The following CPLANE1 variants were observed in gnomAD, a reference collection of about 807,000 sequenced individuals.
CPLANE1 encodes the protein ciliogenesis and planar polarity effector 1.
A neutral mutation model predicts 362.5 loss-of-function variants in CPLANE1; 263 were observed. The observed-to-expected ratio is 0.73, with a 90% CI of 0.66 to 0.80. The LOEUF (loss-of-function observed/expected upper bound fraction) is 0.80, where lower values mean the gene tolerates loss of function less well. CPLANE1 is among the 30% of genes least tolerant of loss of function. The pLI is 0.00. For missense variants in CPLANE1, 3,461 were observed against 3,793.4 expected (o/e 0.91, Z 2.30); for synonymous variants, 1,212 against 1,302.6 (o/e 0.93, Z 1.50).
intron 46 of CPLANE1, among the ~76,000 whole-genome samples, chr5:37,131,224 A>G (rs975438349): frequency 1.3e-5 from 2 of 152,184 alleles, no homozygotes; most frequent in Admixed American, 6.5e-5. Flanking sequence ...GTAGATATTA[A>G]ATCGGTTTTC....
At chr5:37,223,307 C>A (rs931647756) in intron 14 of CPLANE1, among the ~76,000 whole-genome samples, 2 of 152,012 alleles carry the variant, frequency 1.3e-5, no homozygotes, top group African/African-American at 4.8e-5. Flanking sequence ...CTGATGCTTG[C>A]ACTCCAGCCT....
At chr5:37,077,140 T>C in the CPLANE1 span, among the ~76,000 whole-genome samples, 2 of 152,088 alleles carry the variant, frequency 1.3e-5, no homozygotes, top group East Asian at 1.9e-4. Flanking sequence ...AGATGAGAAG[T>C]TGGACCCTTG....
the CPLANE1 span, among the ~76,000 whole-genome samples, chr5:37,082,651 C>T: frequency 0.036 from 5,411 of 151,828 alleles, 126 homozygotes; most frequent in South Asian, 0.08. Flanking sequence ...AAAATAATTT[C>T]TTAATAACTT....
At chr5:37,224,034 T>C (rs1309463568) in intron 14 of CPLANE1, among the ~76,000 whole-genome samples, 1 of 152,218 alleles carries the variant, frequency 6.6e-6, no homozygotes, top group Admixed American at 6.5e-5. Flanking sequence ...TAAGTATTCA[T>C]GAGTGTCAAG....
chr5:37,229,556 A>T (rs1358056711), intron 9 of CPLANE1, among the ~76,000 whole-genome samples: 2 of 146,506 alleles, frequency 1.4e-5, no homozygotes, highest in Non-Finnish European at 3.0e-5. Context: ...ATAAATAAAT[A>T]ATAAATATAA....
chr5:37,230,946 G>A lies in CPLANE1; in HGVS notation c.1042C>T (p.Leu348=), dbSNP rs1369925884. 6.4e-7 allele frequency: 1 copy of A among 1,550,700 alleles called. No individual in the cohort carries two copies. The highest frequency in any genetic ancestry group is 1.2e-5 in the South Asian group (1 of 83,796). ...GAGCAACCAAATGTAATTAATGTTA[G>A]CAATTCACCTTGGCAGGTCAATAAA... ...LVLLTCQGEL[L]TLITFGCSIE... The change falls in exon 9 of 53, where the codon CTA becomes TTA. Residue 348 remains leucine (L), a synonymous_variant. Coordinates refer to ENST00000651892, the MANE Select transcript of CPLANE1 (RefSeq NM_001384732.1).
At chr5:37,216,061 T>G (rs1374156457) in intron 15 of CPLANE1, among the ~76,000 whole-genome samples, 3 of 152,112 alleles carry the variant, frequency 2.0e-5, no homozygotes, top group African/African-American at 7.2e-5. Flanking sequence ...GGTCTTGAAC[T>G]CCTGAGCTCA....
chr5:37,166,614 C>T (rs1453587442), intron 35 of CPLANE1, among the ~76,000 whole-genome samples: 1 of 152,094 alleles, frequency 6.6e-6, no homozygotes, highest in Non-Finnish European at 1.5e-5. Flanking sequence ...TAAACTTTAT[C>T]ATTGGCATGC....
At position 37,108,538 on chromosome 5, in the gene CPLANE1, T is replaced by C. The variant is rs1758221625; in HGVS notation, c.9401-67A>G. 9.7e-6 allele frequency: 14 copies of C among 1,437,974 alleles called. No homozygotes were observed. In the East Asian group the frequency reaches 1.4e-4, roughly 14 times the overall value. The allele number at this position is 1,437,974 out of a possible 1,614,324, so 89.1% of individuals were successfully genotyped here. Reference sequence around the variant, plus strand: ...ATTCATTCATTCATTCATTTGTTAATTGTGACTTTTATCATCAAAGCCAAG... The same window carrying C: ...ATTCATTCATTCATTCATTTGTTAACTGTGACTTTTATCATCAAAGCCAAG... On this transcript the variant is annotated intron_variant, in intron 51 of 52. Coordinates refer to ENST00000651892, the MANE Select transcript of CPLANE1 (RefSeq NM_001384732.1).
At chr5:37,090,585 T>C in the CPLANE1 span, among the ~76,000 whole-genome samples, 1 of 152,208 alleles carries the variant, frequency 6.6e-6, no homozygotes, top group Admixed American at 6.5e-5. Context: ...ACCCTGGTAA[T>C]CTTACCCACA....
intron 2 of CPLANE1, among the ~76,000 whole-genome samples, chr5:37,247,031 G>A (rs759522124): frequency 7.9e-5 from 12 of 152,222 alleles, no homozygotes; most frequent in Non-Finnish European, 1.3e-4. Context: ...CTGATAGTTT[G>A]AGAACTCCTG....
intron 36 of CPLANE1, 108 bp from the exon 37 acceptor site, chr5:37,164,435 C>T (rs1777710222): frequency 1.4e-6 from 1 of 736,862 alleles, no homozygotes; most frequent in Non-Finnish European, 2.3e-6. Flanking sequence ...ATAACTTCAA[C>T]TTCCATCATT....
chr5:37,201,696 T>C lies in CPLANE1; in HGVS notation c.3402A>G (p.Ile1134Met). ...TTTTACTGAAGTCCTTGGCAGAGTCTATCAGAAGTTGAAATGTCTCCGAAA... is the reference window on the plus strand; with the variant it reads ...TTTTACTGAAGTCCTTGGCAGAGTCCATCAGAAGTTGAAATGTCTCCGAAA... ...DILSETFQLL[I>M]DSAKDFSKRL... is the part of the protein sequence containing the mutation. The change falls in exon 19 of 53, where the codon ATA becomes ATG. Residue 1134 changes from isoleucine to methionine, a missense_variant. Ile to Met is a conservative substitution (Grantham distance 10). Coordinates refer to ENST00000651892, the MANE Select transcript of CPLANE1 (RefSeq NM_001384732.1). 6.2e-7 allele frequency: 1 copy of C among 1,614,160 alleles called. No individual in the cohort carries two copies. Among genetic ancestry groups the C allele is most frequent in the Non-Finnish European group, 8.5e-7 (1 of 1,179,980 alleles).
intron 18 of CPLANE1, among the ~76,000 whole-genome samples, chr5:37,202,442 G>A (rs760745154): frequency 9.2e-5 from 14 of 152,200 alleles, no homozygotes; most frequent in Admixed American, 2.0e-4. Context: ...CATGACCACC[G>A]TGCCTGGCCA....
intron 15 of CPLANE1, among the ~76,000 whole-genome samples, chr5:37,217,530 C>T (rs1424155499): frequency 1.3e-5 from 2 of 151,820 alleles, no homozygotes; most frequent in East Asian, 1.9e-4. Context: ...TCACTTTAAC[C>T]CAGGAGGCCG....
At chr5:37,153,678 T>C (rs898314291) in intron 42 of CPLANE1, 62 bp downstream of exon 42, 8 of 1,513,930 alleles carry the variant, frequency 5.3e-6, no homozygotes, top group African/African-American at 4.2e-5. Flanking sequence ...TCCAAAGTTA[T>C]ATCACACTAC....
intron 8 of CPLANE1, among the ~76,000 whole-genome samples, chr5:37,237,262 CTGCCATAAAACA>C (rs1799210364): frequency 6.6e-6 from 1 of 152,178 alleles, no homozygotes; most frequent in South Asian, 2.1e-4. Context: ...GAATGCTACT[CTGCCATAAAACA>C]AATGAAGTCA....
rs1388570960 is a variant in CPLANE1 at position 37,230,891 on chromosome 5, G to A, written c.1097C>T (p.Pro366Leu). 7 of 1,540,372 alleles carry A rather than the reference G, an allele frequency of 4.5e-6. No homozygotes were observed. The highest frequency in any genetic ancestry group is 6.1e-6 in the Non-Finnish European group (7 of 1,141,458). Residue 366 changes from proline to leucine, a missense_variant, in exon 9 of 53, where the codon CCT becomes CTT. Pro to Leu is a moderately conservative substitution (Grantham distance 98). This residue lies in a region of CPLANE1 where 3,380 missense variants were observed against 3,666.1 expected (regional missense o/e 0.92). Coordinates refer to ENST00000651892, the MANE Select transcript of CPLANE1 (RefSeq NM_001384732.1). ...CCTATACGTTATTAGTGGATGAAGA[G>A]GAATAAATTCTGCTGGGCCAAATTC... ...SIEFGPAEFIPLHPLITYRPQ... is the reference protein window; with the variant it reads ...SIEFGPAEFILLHPLITYRPQ...
intron 50 of CPLANE1, among the ~76,000 whole-genome samples, chr5:37,119,811 C>T (rs146488297): frequency 0.029 from 4,282 of 150,244 alleles, 92 homozygotes; most frequent in Middle Eastern, 0.11. Context: ...CAATGAAACC[C>T]CGTCTCTACT....
Sources: gnomAD v4.1 joint callset for allele counts (sites outside exome capture counted in the v4.1 genomes callset) on GRCh38, gnomAD v4.1.1 for gene constraint, gnomAD v4.1.1 regional missense constraint, MANE v1.5 for transcripts, NCBI Gene and HGNC (gene_info 2026-07-23, HGNC 2026-07-21) for gene names.